Variants in NOTCH4 observed in about 807,000 individuals in gnomAD.
The protein encoded by NOTCH4 is notch receptor 4, also known as neurogenic locus notch homolog protein 4.
A neutral mutation model predicts 189.0 loss-of-function variants in NOTCH4; 138 were observed. The ratio of observed to expected loss-of-function variants is 0.73; its 90% CI spans 0.64 to 0.84. The LOEUF is 0.84. NOTCH4 is among the 40% of genes least tolerant of loss of function. The pLI, the probability that NOTCH4 is intolerant of heterozygous loss-of-function variation, is 0.00. For synonymous variants in NOTCH4, 942 were observed against 1,032.8 expected (o/e 0.91, Z 1.69); for missense variants, 2,286 against 2,605.4 (o/e 0.88, Z 2.67).
In NOTCH4 at chr6:32,221,378, A is replaced by G. The variant is rs1789773010; in HGVS notation, c.452-53T>C. 4 of 1,376,486 alleles carry G rather than the reference A, an allele frequency of 2.9e-6. No homozygotes were observed. The highest frequency in any genetic ancestry group is 4.1e-6 in the Non-Finnish European group (4 of 987,398). 85.3% of individuals were successfully genotyped at this position (1,376,486 alleles called of 1,614,324 possible). On this transcript the variant is annotated intron_variant, in intron 3 of 29. Transcript: ENST00000375023. This position sits in a 1 kb window ranked among gnomAD's most constrained non-coding sequence, Gnocchi z 4.3. Reference sequence around the variant, plus strand: ...TCTAGCATTGTACGAATTCTAGCCCATCTGAGGTTACCCAGTGCTCACTCT... The same window carrying G: ...TCTAGCATTGTACGAATTCTAGCCCGTCTGAGGTTACCCAGTGCTCACTCT...
Position 32,215,260 on chromosome 6 carries a change from C to T in NOTCH4, c.1987G>A (p.Asp663Asn), listed in dbSNP as rs1462675037. 6.2e-7 allele frequency: 1 copy of T among 1,604,964 alleles called. No homozygotes were observed. The highest frequency in any genetic ancestry group is 1.3e-5 in the African/African-American group (1 of 74,904). Residue 663 changes from aspartate to asparagine, a missense_variant, in exon 12 of 30, where the codon GAC (aspartate) becomes AAC (asparagine). Physicochemically the swap from Asp to Asn is conservative, Grantham distance 23. Coordinates refer to ENST00000375023, the MANE Select transcript of NOTCH4 (RefSeq NM_004557.4). ...DGSPGCAPPE[D>N]NCTCHHGHCQ... The stretch of plus-strand genomic sequence containing the variant: ...TGCCCGTGGTGGCAGGTGCAGTTGT[C>T]CTCAGGTGGGGCACAGCCAGGGCTT...
Position 32,197,414 on chromosome 6 carries a change from C to A in NOTCH4, c.4937G>T (p.Arg1646Leu). 1 of 1,543,638 alleles carries A rather than the reference C, an allele frequency of 6.5e-7. No individual in the cohort carries two copies. The highest frequency in any genetic ancestry group is 8.7e-7 in the Non-Finnish European group (1 of 1,145,246). ...AAGGAGGCGGCGGGCAGCGGTTGGC[C>A]GGGAGAATCGGGCAGCCAGGTGCAG... ...TPLHLAARFS[R>L]PTAARRLLEA... Residue 1646 changes from arginine (R) to leucine (L), a missense_variant, in exon 27 of 30, where the codon CGG becomes CTG. By Grantham distance (102) the Arg-to-Leu change is moderately radical. Transcript: ENST00000375023.
Position 32,196,142 on chromosome 6 carries a change from C to T in NOTCH4, c.5307G>A (p.Thr1769=). 1 of 1,589,838 alleles carries T rather than the reference C, an allele frequency of 6.3e-7. No individual in the cohort carries two copies. Residue 1769 remains threonine (T), a synonymous_variant, in exon 30 of 30, where the codon ACG becomes ACA. Transcript: ENST00000375023. Reference sequence around the variant, plus strand: ...CTTCCCGCGCCGCCAGGAATAGCGGCGTCTGCTCCTGTACAGAAGAGCCAG... The same window carrying T: ...CTTCCCGCGCCGCCAGGAATAGCGGTGTCTGCTCCTGTACAGAAGAGCCAG... ...DKDAQDNREQ[T]PLFLAAREGA...
intron 20 of NOTCH4, chr6:32,203,545 T>G (rs2127468700): frequency 1.9e-6 from 1 of 536,220 alleles, no homozygotes; most frequent in East Asian, 3.1e-5. Context: ...TGACCTTCCC[T>G]TAGGCAACGC....
At position 32,204,356 on chromosome 6, in the gene NOTCH4, T is replaced by G; in HGVS notation, c.2899A>C (p.Lys967Gln). The change falls in exon 19 of 30, where the codon AAG (lysine) becomes CAG (glutamine). Residue 967 changes from lysine (K) to glutamine (Q), a missense_variant. Around this residue, in one of 2 missense-constraint regions of NOTCH4, gnomAD observed 1,903 missense variants for 2,261.9 expected, o/e 0.84. Transcript: ENST00000375023. ...APGYDGQNCS[K>Q]ELDACQSQPC... ...TGGGACTGACAAGCATCGAGTTCCTTTGAGCAGTTCTGTCCATCGTAGCCT... is the reference window on the plus strand; with the variant it reads ...TGGGACTGACAAGCATCGAGTTCCTGTGAGCAGTTCTGTCCATCGTAGCCT... 6.2e-7 allele frequency: 1 copy of G among 1,613,038 alleles called. No individual in the cohort carries two copies. The highest frequency in any genetic ancestry group is 8.5e-7 in the Non-Finnish European group (1 of 1,180,010).
chr6:32,196,800 A>G, intron 28 of NOTCH4, 125 bp downstream of exon 28: 1 of 1,287,590 alleles, frequency 7.8e-7, no homozygotes, highest in Non-Finnish European at 1.1e-6. Context: ...ACCGCATCTC[A>G]GATTGACCGC....
chr6:32,196,784 A>G (rs2127460281), intron 28 of NOTCH4, 141 bp downstream of exon 28: 1 of 1,118,606 alleles, frequency 8.9e-7, no homozygotes, highest in Middle Eastern at 2.1e-4. Flanking sequence ...CGCGGCCCGT[A>G]CTTCCACCGC....
intron 18 of NOTCH4, among the ~76,000 whole-genome samples, 189 bp from the exon 19 acceptor site, chr6:32,204,578 G>A (rs1018034593): frequency 6.6e-6 from 1 of 152,096 alleles, no homozygotes; most frequent in Non-Finnish European, 1.5e-5. Context: ...AATTGTTGGC[G>A]ACACACAACT....
chr6:32,201,386 G>T lies in NOTCH4; in HGVS notation c.3870C>A (p.Asp1290Glu), dbSNP rs1379328383. The T allele has an allele frequency of 6.3e-7, 1 of 1,587,058 alleles. No homozygotes were observed. The highest frequency in any genetic ancestry group is 8.6e-7 in the Non-Finnish European group (1 of 1,167,012). ...GGGCCAGGGAGGGCCCCCACTCTGG[G>T]TCCCCATCTTCAGGCCTGCAGTCAC... ...DGGDCRPEDGDPEWGPSLALL... is the reference protein window; with the variant it reads ...DGGDCRPEDGEPEWGPSLALL... Residue 1290 changes from aspartate to glutamate, a missense_variant, in exon 22 of 30, where the codon GAC becomes GAA. Physicochemically the swap from Asp to Glu is conservative, Grantham distance 45 (BLOSUM62 2). This residue lies in a region of NOTCH4 where 1,903 missense variants were observed against 2,261.9 expected (regional missense o/e 0.84). Transcript: ENST00000375023. The surrounding 1 kb of genome is among the most constrained non-coding windows in gnomAD (Gnocchi z 5.5).
chr6:32,199,321 C>CT lies in NOTCH4; in HGVS notation c.4316-177dup, dbSNP rs1459111231. On this transcript the variant is annotated intron_variant, in intron 23 of 29. Transcript: ENST00000375023. The surrounding 1 kb of genome is among the most constrained non-coding windows in gnomAD (Gnocchi z 4.9). ...GTGGCTCATGCCTGTAATCCCAGCACTTTGGGAAGCTGAGGCAGGTGGATC... is the reference window on the plus strand; with the variant it reads ...GTGGCTCATGCCTGTAATCCCAGCACTTTTGGGAAGCTGAGGCAGGTGGATC... Among the ~76,000 whole-genome samples, 1 of 152,232 alleles carries CT rather than the reference C, an allele frequency of 6.6e-6. No homozygotes were observed. The highest frequency in any genetic ancestry group is 1.5e-5 in the Non-Finnish European group (1 of 68,048).
At position 32,203,755 on chromosome 6, in the gene NOTCH4, T is replaced by G. The variant is rs1320580558; in HGVS notation, c.3231+15A>C. Reference sequence around the variant, plus strand: ...CATAGGGGGCAACAGAGAAGGCAGATTTGTGGTCACTTGCCTTGGGGCAGT... The same window carrying G: ...CATAGGGGGCAACAGAGAAGGCAGAGTTGTGGTCACTTGCCTTGGGGCAGT... On this transcript the variant is annotated intron_variant, in intron 20 of 29. Coordinates refer to ENST00000375023, the MANE Select transcript of NOTCH4 (RefSeq NM_004557.4). 1 of 1,544,028 alleles carries G rather than the reference T, an allele frequency of 6.5e-7. No individual in the cohort carries two copies. The highest frequency in any genetic ancestry group is 8.8e-7 in the Non-Finnish European group (1 of 1,141,628).
At chr6:32,207,713 A>G in intron 18 of NOTCH4, among the ~76,000 whole-genome samples, 1 of 151,554 alleles carries the variant, frequency 6.6e-6, no homozygotes. Flanking sequence ...TTACATGTAC[A>G]GCTGGAAACT....
rs1789863312 is a variant in NOTCH4, at chr6:32,222,725, G to A, written c.237C>T (p.Ser79=). Residue 79 remains serine, a synonymous_variant, in exon 3 of 30, where the codon AGC becomes AGT. Transcript: ENST00000375023. ...GGGGAGCGGGAAGCAGGGCTTGGCA[G>A]CTGCCTCCATTTTGGCAGAGCTGGG... ...QNAQLCQNGG[S]CQALLPAPLG... 2.5e-6 allele frequency: 4 copies of A among 1,610,416 alleles called. No homozygotes were observed. The highest frequency in any genetic ancestry group is 3.4e-6 in the Non-Finnish European group (4 of 1,178,856).
chr6:32,196,046 T>C lies in NOTCH4; in HGVS notation c.5403A>G (p.Leu1801=), dbSNP rs1360568201. The C allele has an allele frequency of 6.3e-7, 1 of 1,594,738 alleles. No homozygotes were observed. Among genetic ancestry groups the C allele is most frequent in the Admixed American group, 1.7e-5 (1 of 59,158 alleles). The part of the protein sequence containing the change: ...AARELRDQAG[L]APADVAHQRN... ...GTTGGTGAGCGACGTCCGCCGGCGC[T>C]AGCCCAGCCTGGTCCCGCAGCTCTC... The change falls in exon 30 of 30, where the codon CTA becomes CTG. Residue 1801 remains leucine (L), a synonymous_variant. Coordinates refer to ENST00000375023, the MANE Select transcript of NOTCH4 (RefSeq NM_004557.4).
In NOTCH4 at chr6:32,195,718, G is replaced by A. The variant is rs1164752196; in HGVS notation, c.5731C>T (p.Pro1911Ser). The change falls in exon 30 of 30, where the codon CCT (proline) becomes TCT (serine). Residue 1911 changes from proline (P) to serine (S), a missense_variant. Around this residue, in one of 2 missense-constraint regions of NOTCH4, gnomAD observed 383 missense variants for 343.5 expected, o/e 1.11. Transcript: ENST00000375023. This position sits in a 1 kb window ranked among gnomAD's most constrained non-coding sequence, Gnocchi z 5.4. ...CCTGCAGAAAACCTACGGCCGCGAG[G>A]GGTCGGGCCTCCTCCTGCTCCTACT... ...SGVGAGGGPT[P>S]RGRRFSAGMR... is the part of the protein sequence containing the mutation. 6.2e-7 allele frequency: 1 copy of A among 1,612,858 alleles called. No homozygotes were observed.
Position 32,213,767 on chromosome 6 carries a change from G to A in NOTCH4, c.2241C>T (p.Ser747=). The A allele has an allele frequency of 6.2e-7, 1 of 1,612,278 alleles. No homozygotes were observed. The highest frequency in any genetic ancestry group is 1.1e-5 in the South Asian group (1 of 91,038). ...PCLNGGSCNP[S]PGGYYCTCPP... ...GGCAGGTGCAGTAGTAGCCTCCAGGGCTAGGGTTGCAGGAGCCGCCATTGA... is the reference window on the plus strand; with the variant it reads ...GGCAGGTGCAGTAGTAGCCTCCAGGACTAGGGTTGCAGGAGCCGCCATTGA... Residue 747 remains serine, a synonymous_variant, in exon 14 of 30, where the codon AGC becomes AGT. Coordinates refer to ENST00000375023, the MANE Select transcript of NOTCH4 (RefSeq NM_004557.4).
rs1380367412 is a variant in NOTCH4, at chr6:32,201,416, A to C, written c.3840T>G (p.Asp1280Glu). The change falls in exon 22 of 30, where the codon GAT becomes GAG. Residue 1280 changes from aspartate (D) to glutamate (E), a missense_variant. Coordinates refer to ENST00000375023, the MANE Select transcript of NOTCH4 (RefSeq NM_004557.4). This position sits in a 1 kb window ranked among gnomAD's most constrained non-coding sequence, Gnocchi z 5.5. ...CATCTTCAGGCCTGCAGTCACCTCC[A>C]TCCCAGCCACACTCTGCAGTGTTGC... The part of the protein sequence containing the change: ...KGCNTAECGW[D>E]GGDCRPEDGD... 6.4e-7 allele frequency: 1 copy of C among 1,560,630 alleles called. No homozygotes were observed. The highest frequency in any genetic ancestry group is 1.2e-5 in the South Asian group (1 of 81,736).
chr6:32,197,330 G>A lies in NOTCH4; in HGVS notation c.5021C>T (p.Ala1674Val). 3.9e-6 allele frequency: 6 copies of A among 1,532,662 alleles called. No individual in the cohort carries two copies. Among genetic ancestry groups the A allele is most frequent in the Non-Finnish European group, 5.3e-6 (6 of 1,141,684 alleles). The allele number at this position is 1,532,662 out of a possible 1,614,324, so 94.9% of individuals were successfully genotyped here. Residue 1674 changes from alanine to valine, a missense_variant, in exon 27 of 30, where the codon GCT (alanine) becomes GTT (valine). Coordinates refer to ENST00000375023, the MANE Select transcript of NOTCH4 (RefSeq NM_004557.4). ...GACCTCCCGAGCATCAGCAGCCACA[G>A]CAGCATGAAGGGGTGTGCGCCCTGC... Reference protein sequence around the residue: ...DRAGRTPLHAAVAADAREVCQ... With the variant: ...DRAGRTPLHAVVAADAREVCQ...
chr6:32,216,937 C>T lies in NOTCH4; in HGVS notation c.1861+8G>A. 1 of 1,613,088 alleles carries T rather than the reference C, an allele frequency of 6.2e-7. No individual in the cohort carries two copies. Among genetic ancestry groups the T allele is most frequent in the Non-Finnish European group, 8.5e-7 (1 of 1,179,998 alleles). On this transcript the variant is annotated splice_region_variant and intron_variant, in intron 11 of 29. Transcript: ENST00000375023. ...CTGCCAGTTCTTTCCAGTGCCTCCC[C>T]TGTGAACCTGTGAAACCAGAGGGGC...
Sources: allele counts gnomAD v4.1 joint callset (sites outside exome capture counted in the v4.1 genomes callset), GRCh38; gene constraint gnomAD v4.1.1; regional missense constraint gnomAD v4.1.1; non-coding constraint Gnocchi (gnomAD v3.1); transcripts MANE v1.5; gene names NCBI Gene and HGNC (gene_info 2026-07-23, HGNC 2026-07-21).